KCNN3: variants seen among roughly 807,000 people sequenced by gnomAD.
KCNN3 encodes the protein small conductance calcium-activated potassium channel protein 3.
A neutral mutation model predicts 62.9 loss-of-function variants in KCNN3; 16 were observed. That is an observed-to-expected ratio of 0.25 (90% CI 0.17 to 0.39). The LOEUF (loss-of-function observed/expected upper bound fraction) is 0.39, where lower values mean the gene tolerates loss of function less well. Ranked by LOEUF, KCNN3 falls within the 10% of genes least tolerant of loss-of-function variation. The probability of loss-of-function intolerance (pLI) is 1.00; values close to 1 mark genes in which losing one functional copy is unlikely to be tolerated. For missense variants in KCNN3, 599 were observed against 949.4 expected, an observed-to-expected ratio of 0.63 and a Z score of 4.85; for synonymous variants, 370 against 389.2, an observed-to-expected ratio of 0.95 and a Z score of 0.58.
intron 1 of KCNN3, among the ~76,000 whole-genome samples, chr1:154,846,436 AG>A (rs1291370940): frequency 6.6e-6 from 1 of 152,188 alleles, no homozygotes; most frequent in Non-Finnish European, 1.5e-5. Context: ...CAGCATACTG[AG>A]GGGGAGCCAG....
Position 154,725,871 on chromosome 1 carries a change from T to G in KCNN3, c.1701+45A>C, listed in dbSNP as rs368768099. The G allele has an allele frequency of 8.3e-6, 12 of 1,453,012 alleles. No homozygotes were observed. In the African/African-American group the frequency reaches 1.3e-4, roughly 15 times the overall value. The allele number at this position is 1,453,012 out of a possible 1,614,324, so 90.0% of individuals were successfully genotyped here. On this transcript the variant is annotated intron_variant, in intron 5 of 7. Transcript: ENST00000271915. Reference sequence around the variant, plus strand: ...CATTTGCTTTCTGATTGGCTTCCACTGTGGCCTTAAGTCCCCCATAAGACA... The same window carrying G: ...CATTTGCTTTCTGATTGGCTTCCACGGTGGCCTTAAGTCCCCCATAAGACA...
At chr1:154,786,002 G>A (rs959142191) in intron 2 of KCNN3, among the ~76,000 whole-genome samples, 14 of 152,306 alleles carry the variant, frequency 9.2e-5, no homozygotes, top group Admixed American at 6.5e-4. Flanking sequence ...GGTGGAGACA[G>A]GATTTAAACC....
Position 154,765,801 on chromosome 1 carries a change from T to TG in KCNN3, c.1448+6173_1448+6174insC, listed in dbSNP as rs527711572. Reference sequence around the variant, plus strand: ...CCCGGCTAATGTTTTTTTTGGTTTTTTTTTGTTTTGTTTTGTTTTGTTTTT... The same window carrying TG: ...CCCGGCTAATGTTTTTTTTGGTTTTTGTTTTGTTTTGTTTTGTTTTGTTTTT... On this transcript the variant is annotated intron_variant, in intron 3 of 7. Transcript: ENST00000271915. Among the ~76,000 whole-genome samples, 152 of 151,546 alleles carry TG rather than the reference T, an allele frequency of 1.0e-3. 1 individual carries two copies. The South Asian group carries it at 0.02, about 20-fold the overall frequency.
At chr1:154,815,164 G>A (rs922502548) in intron 2 of KCNN3, among the ~76,000 whole-genome samples, 11 of 152,092 alleles carry the variant, frequency 7.2e-5, no homozygotes, top group East Asian at 3.8e-4. Context: ...TCAAGATCTC[G>A]GAGGTTCAAT....
At chr1:154,759,366 G>A (rs1194051497) in intron 3 of KCNN3, among the ~76,000 whole-genome samples, 1 of 152,186 alleles carries the variant, frequency 6.6e-6, no homozygotes. Context: ...GATCACGAGG[G>A]GCAAACAAAA....
At chr1:154,813,237 T>G (rs1310239503) in intron 2 of KCNN3, among the ~76,000 whole-genome samples, 2 of 149,802 alleles carry the variant, frequency 1.3e-5, no homozygotes, top group African/African-American at 4.9e-5. Flanking sequence ...TTTTTGAACA[T>G]TTTCATTCTC....
At position 154,862,516 on chromosome 1, in the gene KCNN3, GT is replaced by G. The variant is rs374522194; in HGVS notation, c.933+6515del. ...CCTGCTGGCCCTCCAGGGGTGGAAG[GT>G]GGGGGTGCTAGGGGCTGTGGAAGGA... On this transcript the variant is annotated intron_variant, in intron 1 of 7. Coordinates refer to ENST00000271915, the MANE Select transcript of KCNN3 (RefSeq NM_002249.6). The surrounding 1 kb of genome is among the most constrained non-coding windows in gnomAD (Gnocchi z 4.1). Among the ~76,000 whole-genome samples the G allele has an allele frequency of 8.5e-5, 13 of 152,262 alleles. No individual in the cohort carries two copies. The East Asian group carries it at 1.7e-3, about 20-fold the overall frequency.
rs114789397 is a variant in KCNN3, at chr1:154,782,104, T to C, written c.1030-9711A>G. Among the ~76,000 whole-genome samples, 800 of 152,044 alleles carry C rather than the reference T, an allele frequency of 5.3e-3. 11 individuals carry two copies. The highest frequency in any genetic ancestry group is 0.018 in the African/African-American group (752 of 41,462). On this transcript the variant is annotated intron_variant, in intron 2 of 7. Coordinates refer to ENST00000271915, the MANE Select transcript of KCNN3 (RefSeq NM_002249.6). ...GGAGAGATAAAAGAAAGAAGACCAA[T>C]GTGAGAAAGAAGTGAGGGATGATAC...
chr1:154,780,794 G>C (rs1649010514), intron 2 of KCNN3, among the ~76,000 whole-genome samples: 1 of 152,038 alleles, frequency 6.6e-6, no homozygotes, highest in Admixed American at 6.6e-5. Flanking sequence ...AAAATTACCA[G>C]TCAGCAAATG....
intron 2 of KCNN3, among the ~76,000 whole-genome samples, chr1:154,791,653 G>T (rs566945189): frequency 5.9e-5 from 9 of 152,298 alleles, no homozygotes; most frequent in Admixed American, 3.9e-4. Context: ...GGAACGAAAG[G>T]CCCCGATGTT....
At chr1:154,715,166 G>A (rs1042486621) in intron 5 of KCNN3, among the ~76,000 whole-genome samples, 163 bp from the exon 6 acceptor site, 3 of 152,078 alleles carry the variant, frequency 2.0e-5, no homozygotes, top group Non-Finnish European at 4.4e-5. Flanking sequence ...GGCCGGGCAC[G>A]GTGGCTCCCG....
At chr1:154,714,323 T>TGTGTGGG (rs1277337768) in intron 6 of KCNN3, among the ~76,000 whole-genome samples, 2 of 128,428 alleles carry the variant, frequency 1.6e-5, no homozygotes, top group African/African-American at 6.1e-5. Context: ...GTGTGAGGTG[T>TGTGTGGG]GTGTGTGTGG....
In KCNN3 at chr1:154,809,360, A is replaced by C. The variant is rs1042027095; in HGVS notation, c.1029+12729T>G. ...TGCCCCTCACAGAGCATGGCTCAAT[A>C]AACACGTGTTCTATGAATGCAGAGC... On this transcript the variant is annotated intron_variant, in intron 2 of 7. Transcript: ENST00000271915. The surrounding 1 kb of genome is among the most constrained non-coding windows in gnomAD (Gnocchi z 4.3). Among the ~76,000 whole-genome samples, 2 of 152,178 alleles carry C rather than the reference A, an allele frequency of 1.3e-5. No homozygotes were observed. The highest frequency in any genetic ancestry group is 2.9e-5 in the Non-Finnish European group (2 of 68,030).
At chr1:154,850,261 A>G (rs191677582) in intron 1 of KCNN3, among the ~76,000 whole-genome samples, 62 of 152,326 alleles carry the variant, frequency 4.1e-4, no homozygotes, top group Admixed American at 4.1e-3. Flanking sequence ...CATCACCCCA[A>G]TGAAACAGAT....
Position 154,704,234 on chromosome 1 carries a change from C to A in KCNN3, c.*3742G>T, listed in dbSNP as rs557850125. The A allele has an allele frequency of 2.0e-5, 3 of 152,220 alleles. No homozygotes were observed. The highest frequency in any genetic ancestry group is 4.4e-5 in the Non-Finnish European group (3 of 68,050). 9.4% of individuals were successfully genotyped at this position (152,220 alleles called of 1,614,324 possible). ...TTCTACCACTGGCCCCTGCTGAGGT[C>A]GGTCAGTGGTGACTTGGGGCCTTCC... On this transcript the variant is annotated 3_prime_UTR_variant, in exon 8 of 8. Coordinates refer to ENST00000271915, the MANE Select transcript of KCNN3 (RefSeq NM_002249.6).
rs1482973732 is a variant in KCNN3 at position 154,703,778 on chromosome 1, G to A, written c.*4198C>T. The A allele has an allele frequency of 6.6e-6, 1 of 152,182 alleles. No individual in the cohort carries two copies. The highest frequency in any genetic ancestry group is 2.4e-5 in the African/African-American group (1 of 41,434). The allele number at this position is 152,182 out of a possible 1,614,324, so 9.4% of individuals were successfully genotyped here. ...CACTAATTACTTTTTGGTAACTACT[G>A]ACTGCATTCAAACGTAACATCAAGG... On this transcript the variant is annotated 3_prime_UTR_variant, in exon 8 of 8. Transcript: ENST00000271915.
intron 2 of KCNN3, among the ~76,000 whole-genome samples, chr1:154,807,896 T>C (rs1650246948): frequency 6.6e-6 from 1 of 152,022 alleles, no homozygotes; most frequent in African/African-American, 2.4e-5. Context: ...GTGGCTCTCA[T>C]CTTTAATCCT....
At chr1:154,816,481 C>T (rs976321079) in intron 2 of KCNN3, among the ~76,000 whole-genome samples, 6 of 152,202 alleles carry the variant, frequency 3.9e-5, no homozygotes, top group Non-Finnish European at 5.9e-5. Context: ...GCTACGTGCC[C>T]GGCATTGGCC....
chr1:154,745,616 G>T (rs1333096592), intron 3 of KCNN3, among the ~76,000 whole-genome samples: 1 of 152,174 alleles, frequency 6.6e-6, no homozygotes, highest in Non-Finnish European at 1.5e-5. Flanking sequence ...CCTTGCAAAT[G>T]GATGCACCAT....
Sources: allele counts gnomAD v4.1 joint callset (sites outside exome capture counted in the v4.1 genomes callset), GRCh38; gene constraint gnomAD v4.1.1; non-coding constraint Gnocchi (gnomAD v3.1); transcripts MANE v1.5; gene names NCBI Gene and HGNC (gene_info 2026-07-23, HGNC 2026-07-21).